CRYBG1: variants seen among roughly 807,000 people sequenced by gnomAD.
CRYBG1 encodes the protein crystallin beta-gamma domain containing 1, also known as beta/gamma crystallin domain-containing protein 1.
A neutral mutation model predicts 189.2 loss-of-function variants in CRYBG1; 139 were observed. The observed-to-expected ratio is 0.73, with a 90% CI of 0.64 to 0.85. The LOEUF is 0.85. Among genes scored for constraint, CRYBG1 ranks in the 40% least tolerant of loss-of-function variants. The pLI, the probability that CRYBG1 is intolerant of heterozygous loss-of-function variation, is 0.00. For missense variants in CRYBG1, 2,611 were observed against 2,675.8 expected (o/e 0.98, Z 0.53); for synonymous variants, 1,023 against 1,017.1 (o/e 1.01, Z -0.11).
At chr6:106,437,954 C>G (rs967001350) in intron 1 of CRYBG1, among the ~76,000 whole-genome samples, 2 of 152,192 alleles carry the variant, frequency 1.3e-5, no homozygotes, top group African/African-American at 4.8e-5. Flanking sequence ...GATTCTCTCT[C>G]AGTACTTCTT....
intron 1 of CRYBG1, among the ~76,000 whole-genome samples, chr6:106,427,143 T>C (rs893195848): frequency 6.6e-6 from 1 of 152,162 alleles, no homozygotes; most frequent in African/African-American, 2.4e-5. Context: ...TGCATTTACT[T>C]TCTAGGTGAG....
chr6:106,552,629 A>G (rs1266893905), intron 15 of CRYBG1, among the ~76,000 whole-genome samples: 1 of 146,564 alleles, frequency 6.8e-6, no homozygotes, highest in Non-Finnish European at 1.5e-5. Context: ...CATTTGGGAC[A>G]TTTTGTTAGT....
chr6:106,534,186 T>G (rs1005260782), intron 8 of CRYBG1, among the ~76,000 whole-genome samples: 9 of 152,220 alleles, frequency 5.9e-5, no homozygotes, highest in African/African-American at 2.2e-4. Context: ...TGACTCAGGC[T>G]TGGCTATGTT....
chr6:106,425,843 G>A (rs908159091), intron 1 of CRYBG1, among the ~76,000 whole-genome samples: 2 of 152,010 alleles, frequency 1.3e-5, no homozygotes, highest in Non-Finnish European at 2.9e-5. Context: ...TTCACCAGTT[G>A]GCCAGGCCGG....
chr6:106,373,133 A>C (rs548792215), intron 1 of CRYBG1, among the ~76,000 whole-genome samples: 2 of 152,164 alleles, frequency 1.3e-5, no homozygotes, highest in Admixed American at 6.5e-5. Flanking sequence ...TTTTGATTAC[A>C]TGCACCCTAC....
At chr6:106,375,583 C>A (rs1219698365) in intron 1 of CRYBG1, among the ~76,000 whole-genome samples, 1 of 152,152 alleles carries the variant, frequency 6.6e-6, no homozygotes, top group Non-Finnish European at 1.5e-5. Flanking sequence ...AAAGGTACCA[C>A]TTTATCTTCC....
Position 106,571,052 on chromosome 6 carries a change from G to A in CRYBG1, c.*2486G>A, listed in dbSNP as rs1362407271. On this transcript the variant is annotated 3_prime_UTR_variant, in exon 22 of 22. Transcript: ENST00000633556. The stretch of plus-strand genomic sequence containing the variant: ...TTTGACATCAAAGTGGCAAGCTTTG[G>A]GCTCCATTGGAAGGCTGCAATTTCC... 1 of 152,098 alleles carries A rather than the reference G, an allele frequency of 6.6e-6. No homozygotes were observed. Among genetic ancestry groups the A allele is most frequent in the African/African-American group, 2.4e-5 (1 of 41,412 alleles). 9.4% of individuals were successfully genotyped at this position (152,098 alleles called of 1,614,324 possible). A position where few individuals can be genotyped will look rare whatever the true frequency, so the allele number is the denominator to read the frequency against.
At chr6:106,538,449 G>A (rs1266030876) in intron 8 of CRYBG1, among the ~76,000 whole-genome samples, 1 of 152,126 alleles carries the variant, frequency 6.6e-6, no homozygotes, top group Non-Finnish European at 1.5e-5. Context: ...AAAGCTTTGT[G>A]GCCTGGGAAC....
intron 1 of CRYBG1, among the ~76,000 whole-genome samples, chr6:106,373,223 C>T (rs369550579): frequency 1.3e-5 from 2 of 152,164 alleles, no homozygotes; most frequent in South Asian, 4.1e-4. Flanking sequence ...TCTTGTTTTC[C>T]TGGGAACCCC....
At chr6:106,376,342 A>G (rs1236237099) in intron 1 of CRYBG1, among the ~76,000 whole-genome samples, 1 of 152,088 alleles carries the variant, frequency 6.6e-6, no homozygotes, top group African/African-American at 2.4e-5. Flanking sequence ...CACATCTTGA[A>G]CCTCAGTCTC....
intron 1 of CRYBG1, among the ~76,000 whole-genome samples, chr6:106,437,337 T>C (rs985950234): frequency 2.6e-5 from 4 of 152,210 alleles, no homozygotes; most frequent in African/African-American, 9.7e-5. Context: ...TTGCTGAAAG[T>C]ATTTTCTTGG....
chr6:106,538,707 A>T (rs577869900), intron 8 of CRYBG1, among the ~76,000 whole-genome samples: 1 of 152,112 alleles, frequency 6.6e-6, no homozygotes, highest in Non-Finnish European at 1.5e-5. Context: ...AGCCTGGCCA[A>T]TATGGTGAGA....
At position 106,512,676 on chromosome 6, in the gene CRYBG1, G is replaced by A. The variant is rs1330319392; in HGVS notation, c.1559G>A (p.Arg520His). 6 of 1,562,094 alleles carry A rather than the reference G, an allele frequency of 3.8e-6. 1 individual carries two copies. The highest frequency in any genetic ancestry group is 2.3e-5 in the South Asian group (2 of 85,348). Residue 520 changes from arginine to histidine, a missense_variant, in exon 3 of 22, where the codon CGT (arginine) becomes CAT (histidine). Physicochemically the swap from Arg to His is conservative, Grantham distance 29 (BLOSUM62 0). This residue lies in a region of CRYBG1 where 985 missense variants were observed against 924.4 expected (regional missense o/e 1.07). Coordinates refer to ENST00000633556, the MANE Select transcript of CRYBG1 (RefSeq NM_001371242.2). ...SSPTKRKGRS[R>H]ALEAVPAPPA... Reference sequence around the variant, plus strand: ...CCCACGAAGAGGAAGGGCAGGAGCCGTGCCCTCGAGGCCGTGCCCGCCCCG... The same window carrying A: ...CCCACGAAGAGGAAGGGCAGGAGCCATGCCCTCGAGGCCGTGCCCGCCCCG...
intron 1 of CRYBG1, among the ~76,000 whole-genome samples, chr6:106,406,324 G>T (rs1244137403): frequency 6.6e-6 from 1 of 152,070 alleles, no homozygotes; most frequent in African/African-American, 2.4e-5. Context: ...GACAAGATTA[G>T]AGGGAAAAAA....
intron 17 of CRYBG1, among the ~76,000 whole-genome samples, chr6:106,556,295 T>C (rs975581470): frequency 6.6e-6 from 1 of 152,224 alleles, no homozygotes; most frequent in African/African-American, 2.4e-5. Context: ...GTCAACTTGA[T>C]AGAATGAGCA....
At chr6:106,495,421 C>G (rs551199825) in intron 2 of CRYBG1, among the ~76,000 whole-genome samples, 1 of 152,246 alleles carries the variant, frequency 6.6e-6, no homozygotes, top group Non-Finnish European at 1.5e-5. Flanking sequence ...TGGTAAGAAA[C>G]TAACTGAAGT....
At position 106,512,378 on chromosome 6, in the gene CRYBG1, C is replaced by A. The variant is rs752049592; in HGVS notation, c.1261C>A (p.Arg421=). Residue 421 remains arginine (R), a synonymous_variant, in exon 3 of 22, where the codon CGG becomes AGG. Transcript: ENST00000633556. ...KRSSGRRSGR[R]RGSQKSTDSP... is the part of the protein sequence containing the mutation. ...GTCCAGCGGCCGTAGGTCGGGGAGGCGGAGGGGGTCGCAGAAATCCACCGA... is the reference window on the plus strand; with the variant it reads ...GTCCAGCGGCCGTAGGTCGGGGAGGAGGAGGGGGTCGCAGAAATCCACCGA... 1 of 1,610,708 alleles carries A rather than the reference C, an allele frequency of 6.2e-7. No individual in the cohort carries two copies. Among genetic ancestry groups the A allele is most frequent in the Admixed American group, 1.7e-5 (1 of 59,790 alleles).
intron 2 of CRYBG1, among the ~76,000 whole-genome samples, 190 bp from the exon 3 acceptor site, chr6:106,511,240 G>A (rs1444341173): frequency 1.3e-5 from 2 of 152,164 alleles, no homozygotes; most frequent in African/African-American, 4.8e-5. Context: ...AACTTAAGGT[G>A]TTTAAGCAAA....
chr6:106,534,567 T>C (rs1773957048), intron 8 of CRYBG1, among the ~76,000 whole-genome samples: 1 of 152,210 alleles, frequency 6.6e-6, no homozygotes, highest in South Asian at 2.1e-4. Context: ...AGGGAACTCC[T>C]TAAGAATCCA....
Sources: gnomAD v4.1 joint callset for allele counts (sites outside exome capture counted in the v4.1 genomes callset) on GRCh38, gnomAD v4.1.1 for gene constraint, gnomAD v4.1.1 regional missense constraint, MANE v1.5 for transcripts, NCBI Gene and HGNC (gene_info 2026-07-23, HGNC 2026-07-21) for gene names.